SPIRE1: variants seen among roughly 807,000 people sequenced by gnomAD.
SPIRE1 encodes the protein protein spire homolog 1.
A neutral mutation model predicts 94.1 loss-of-function variants in SPIRE1; 40 were observed. The observed-to-expected ratio is 0.43, with a 90% CI of 0.33 to 0.55. The LOEUF is 0.55. SPIRE1 is among the 20% of genes least tolerant of loss of function. The pLI is 0.06. For synonymous variants in SPIRE1, 376 were observed against 371.7 expected (o/e 1.01, Z -0.13); for missense variants, 838 against 975.2 (o/e 0.86, Z 1.87).
intron 3 of SPIRE1, among the ~76,000 whole-genome samples, chr18:12,544,373 AT>A (rs71371276): frequency 2.9e-4 from 43 of 146,204 alleles, no homozygotes; most frequent in Admixed American, 5.5e-4. Flanking sequence ...TTAATTTTGT[AT>A]TTTTTTTTTT....
chr18:12,526,054 G>GACACACACACACACAC (rs1200042008), intron 4 of SPIRE1, among the ~76,000 whole-genome samples: 1 of 9,286 alleles, frequency 1.1e-4, no homozygotes, highest in Non-Finnish European at 2.4e-4. Context: ...GAATACTGAA[G>GACACACACACACACAC]ATACACACAC....
chr18:12,453,165 A>G, intron 13 of SPIRE1, 27 bp from the exon 14 acceptor site: 1 of 1,546,590 alleles, frequency 6.5e-7, no homozygotes. Flanking sequence ...TAAGAGGAAA[A>G]AAAACATTGC....
intron 2 of SPIRE1, among the ~76,000 whole-genome samples, chr18:12,560,935 G>A (rs2144392612): frequency 6.6e-6 from 1 of 152,284 alleles, no homozygotes; most frequent in South Asian, 2.1e-4. Context: ...GGTGACTACT[G>A]TTTAAAATAA....
chr18:12,475,498 AAT>A (rs1243076903), intron 10 of SPIRE1, among the ~76,000 whole-genome samples: 2 of 152,210 alleles, frequency 1.3e-5, no homozygotes, highest in Non-Finnish European at 2.9e-5. Context: ...GAATGGAAAA[AAT>A]GGAGTGGTAC....
In SPIRE1 at chr18:12,464,927, C is replaced by A; in HGVS notation, c.1436G>T (p.Ser479Ile). The change falls in exon 11 of 17, where the codon AGC becomes ATC. Residue 479 changes from serine (S) to isoleucine (I), a missense_variant. Physicochemically the swap from Ser to Ile is moderately radical, Grantham distance 142 (BLOSUM62 -2). This residue lies in a region of SPIRE1 where 645 missense variants were observed against 804.7 expected (regional missense o/e 0.80). Transcript: ENST00000409402. The stretch of plus-strand genomic sequence containing the variant: ...TTCAGGGAAAGAGGGAGACACGCTG[C>A]TGCTGCTGGTCGACTTGTGCAGCGT... ...EETLHKSTSS[S>I]SVSPSFPEEP... 6.2e-7 allele frequency: 1 copy of A among 1,614,072 alleles called. No homozygotes were observed. Among genetic ancestry groups the A allele is most frequent in the South Asian group, 1.1e-5 (1 of 91,058 alleles).
Position 12,528,955 on chromosome 18 carries a change from C to A in SPIRE1, c.729+6521G>T, listed in dbSNP as rs139410563. On this transcript the variant is annotated intron_variant, in intron 4 of 16. Transcript: ENST00000409402. Reference sequence around the variant, plus strand: ...TAACAGTGAATTAGAGAGAAAAGGTCTCTGCCCTCAATGAGATTATATTCT... The same window carrying A: ...TAACAGTGAATTAGAGAGAAAAGGTATCTGCCCTCAATGAGATTATATTCT... Among the ~76,000 whole-genome samples, 10 of 152,338 alleles carry A rather than the reference C, an allele frequency of 6.6e-5. No individual in the cohort carries two copies. The East Asian group carries it at 1.9e-3, about 29-fold the overall frequency.
intron 2 of SPIRE1, among the ~76,000 whole-genome samples, chr18:12,606,509 T>C (rs2036980735): frequency 6.6e-6 from 1 of 151,014 alleles, no homozygotes. Flanking sequence ...AACCAGTAAA[T>C]TATTTTCTCT....
At chr18:12,612,326 G>A (rs75813125) in intron 2 of SPIRE1, among the ~76,000 whole-genome samples, 11,770 of 152,250 alleles carry the variant, frequency 0.077, 624 homozygotes, top group Middle Eastern at 0.16. Context: ...GGCCCTGTGG[G>A]TTTCCTTCTC....
chr18:12,545,098 T>C (rs2144268150), intron 3 of SPIRE1, among the ~76,000 whole-genome samples: 1 of 152,364 alleles, frequency 6.6e-6, no homozygotes, highest in African/African-American at 2.4e-5. Context: ...TCAATGGTCT[T>C]CCACAGAACA....
At chr18:12,452,582 T>C (rs1423517729) in intron 14 of SPIRE1, 70 bp from the exon 15 acceptor site, 15 of 1,483,262 alleles carry the variant, frequency 1.0e-5, no homozygotes, top group East Asian at 2.3e-5. Context: ...GAGAAGCCTA[T>C]GGCAGTACAG....
chr18:12,532,004 G>T (rs1187736257), intron 4 of SPIRE1, among the ~76,000 whole-genome samples: 1 of 152,152 alleles, frequency 6.6e-6, no homozygotes, highest in African/African-American at 2.4e-5. Flanking sequence ...AGTGCCTCCA[G>T]CTATACTTAA....
At chr18:12,633,151 A>G (rs2037828917) in intron 2 of SPIRE1, among the ~76,000 whole-genome samples, 1 of 152,108 alleles carries the variant, frequency 6.6e-6, no homozygotes, top group Non-Finnish European at 1.5e-5. Flanking sequence ...ACACCCAGAA[A>G]CCACAAAACT....
chr18:12,631,427 A>C (rs1253562977), intron 2 of SPIRE1, among the ~76,000 whole-genome samples: 4 of 151,846 alleles, frequency 2.6e-5, no homozygotes, highest in Non-Finnish European at 5.9e-5. Flanking sequence ...TGAAAGCCAC[A>C]GAGGCTGGGC....
intron 2 of SPIRE1, among the ~76,000 whole-genome samples, chr18:12,596,180 A>T (rs144756980): frequency 6.6e-5 from 10 of 152,372 alleles, no homozygotes; most frequent in African/African-American, 2.2e-4. Context: ...GCTAGAAAAG[A>T]GGAAGCCATA....
chr18:12,465,338 C>A (rs1263227817), intron 10 of SPIRE1, among the ~76,000 whole-genome samples: 1 of 151,998 alleles, frequency 6.6e-6, no homozygotes, highest in Non-Finnish European at 1.5e-5. Context: ...CCACACCCAG[C>A]TAATTTTTAA....
chr18:12,514,220 T>G (rs1034840877), intron 4 of SPIRE1, among the ~76,000 whole-genome samples: 1 of 152,140 alleles, frequency 6.6e-6, no homozygotes. Context: ...GCTTTACATC[T>G]CAAATATCCA....
intron 2 of SPIRE1, among the ~76,000 whole-genome samples, chr18:12,554,864 T>C (rs945592769): frequency 1.3e-5 from 2 of 152,194 alleles, no homozygotes; most frequent in African/African-American, 4.8e-5. Context: ...CTCCCAGTCT[T>C]AACACTTGAA....
intron 2 of SPIRE1, among the ~76,000 whole-genome samples, chr18:12,632,335 C>T (rs574499384): frequency 7.4e-4 from 113 of 152,194 alleles, no homozygotes; most frequent in South Asian, 3.7e-3. Flanking sequence ...ACCTGGCTCA[C>T]GCACTCCAGG....
chr18:12,579,444 G>A (rs1277515740), intron 2 of SPIRE1, among the ~76,000 whole-genome samples: 4 of 152,160 alleles, frequency 2.6e-5, no homozygotes, highest in Non-Finnish European at 4.4e-5. Context: ...GGGAAATTCA[G>A]AGAAGCAGAA....
Sources: gnomAD v4.1 joint callset for allele counts (sites outside exome capture counted in the v4.1 genomes callset) on GRCh38, gnomAD v4.1.1 for gene constraint, gnomAD v4.1.1 regional missense constraint, MANE v1.5 for transcripts, NCBI Gene and HGNC (gene_info 2026-07-23, HGNC 2026-07-21) for gene names.